ERBB4: variants seen among roughly 807,000 people sequenced by gnomAD.
ERBB4 encodes the protein receptor tyrosine-protein kinase erbB-4.
Under a neutral mutation model 158.0 loss-of-function variants are expected in ERBB4, and 42 were observed. The ratio of observed to expected loss-of-function variants is 0.27; its 90% CI spans 0.21 to 0.34. ERBB4 has a LOEUF of 0.34. Ranked by LOEUF, ERBB4 falls within the 10% of genes least tolerant of loss-of-function variation. The probability of loss-of-function intolerance (pLI) is 1.00; values close to 1 mark genes in which losing one functional copy is unlikely to be tolerated. For synonymous variants in ERBB4, 583 were observed against 558.7 expected (o/e 1.04, Z -0.61); for missense variants, 1,333 against 1,624.1 (o/e 0.82, Z 3.08).
chr2:212,463,436 T>C (rs1688672858), intron 1 of ERBB4, among the ~76,000 whole-genome samples: 1 of 152,124 alleles, frequency 6.6e-6, no homozygotes, highest in Non-Finnish European at 1.5e-5. Context: ...TAGATTAAGA[T>C]ATATCTATCT....
intron 5 of ERBB4, among the ~76,000 whole-genome samples, chr2:211,734,966 T>G (rs1430076094): frequency 6.8e-6 from 1 of 146,124 alleles, no homozygotes; most frequent in Non-Finnish European, 1.5e-5. Flanking sequence ...AATGAAAGGA[T>G]TTTAAAAATA....
At position 211,772,838 on chromosome 2, in the gene ERBB4, CATATATATATATATATAT is replaced by C. The variant is rs1278564933; in HGVS notation, c.556+15169_556+15186del. ...ATATATATATATATATATATATACACATATATATATATATATATATATATATATATACACATATATATA... is the reference window on the plus strand; with the variant it reads ...ATATATATATATATATATATATACACATATATATATATACACATATATATA... On this transcript the variant is annotated intron_variant, in intron 4 of 27. Coordinates refer to ENST00000342788, the MANE Select transcript of ERBB4 (RefSeq NM_005235.3). 1.2e-3 allele frequency among the ~76,000 whole-genome samples: 22 copies of C among 18,310 alleles called. 1 individual carries two copies. The highest frequency in any genetic ancestry group is 5.5e-3 in the African/African-American group (21 of 3,828). The allele number at this position is 18,310 out of a possible 152,430, so 12.0% of individuals were successfully genotyped here. A position where few individuals can be genotyped will look rare whatever the true frequency, so the allele number is the denominator to read the frequency against.
intron 25 of ERBB4, among the ~76,000 whole-genome samples, chr2:211,413,173 C>T (rs2063301240): frequency 6.6e-6 from 1 of 150,900 alleles, no homozygotes; most frequent in Non-Finnish European, 1.5e-5. Context: ...CATGGCAGTA[C>T]ACAACTATAG....
At chr2:212,376,066 A>G (rs1574802955) in intron 1 of ERBB4, among the ~76,000 whole-genome samples, 1 of 152,062 alleles carries the variant, frequency 6.6e-6, no homozygotes, top group East Asian at 1.9e-4. Context: ...TTGACAGTAG[A>G]AACAACAGCC....
chr2:212,238,500 C>A (rs1012826244), intron 1 of ERBB4, among the ~76,000 whole-genome samples: 2 of 145,024 alleles, frequency 1.4e-5, no homozygotes, highest in East Asian at 2.1e-4. Context: ...CTGGAAGCTG[C>A]AGACCAGAGC....
intron 2 of ERBB4, among the ~76,000 whole-genome samples, chr2:212,069,574 G>C (rs776340124): frequency 6.6e-5 from 10 of 151,984 alleles, no homozygotes; most frequent in Non-Finnish European, 1.3e-4. Context: ...GAGCCATTAA[G>C]TTTATTTTTA....
chr2:211,861,027 TAAATATAATATATTTATATATTTA>T (rs1400516314), intron 3 of ERBB4, among the ~76,000 whole-genome samples: 13,852 of 29,894 alleles, frequency 0.46, 3,302 homozygotes, highest in African/African-American at 0.59. Flanking sequence ...TATATATATA[TAAATATAATATATTTATATATTTA>T]TATATATATA....
At chr2:211,530,310 T>C (rs1173188138) in intron 20 of ERBB4, among the ~76,000 whole-genome samples, 2 of 152,010 alleles carry the variant, frequency 1.3e-5, no homozygotes, top group African/African-American at 4.8e-5. Flanking sequence ...ATCTCTATAA[T>C]GAAAACTATA....
intron 4 of ERBB4, among the ~76,000 whole-genome samples, chr2:211,772,812 T>G (rs2075727298): frequency 8.0e-5 from 2 of 25,098 alleles, no homozygotes; most frequent in Non-Finnish European, 6.6e-5. Flanking sequence ...TACTGGGATA[T>G]ATATATATAT....
chr2:211,599,503 A>G (rs534553520), intron 19 of ERBB4, among the ~76,000 whole-genome samples: 1,623 of 13,818 alleles, frequency 0.12, 15 homozygotes, highest in Non-Finnish European at 0.2. Context: ...CTCACAGAAA[A>G]TAATTTCTTC....
At chr2:212,269,521 G>GA (rs2106113802) in intron 1 of ERBB4, among the ~76,000 whole-genome samples, 1 of 151,894 alleles carries the variant, frequency 6.6e-6, no homozygotes, top group Non-Finnish European at 1.5e-5. Context: ...TTACAGTGTA[G>GA]ACTTTTGCCC....
chr2:211,487,360 TAAAATAAATAAA>T (rs1407400610), intron 20 of ERBB4, among the ~76,000 whole-genome samples: 1 of 144,218 alleles, frequency 6.9e-6, no homozygotes, highest in South Asian at 2.1e-4. Flanking sequence ...TCACTGGAAT[TAAAATAAATAAA>T]AAAATAAATA....
rs548143811 is a variant in ERBB4 at position 211,989,198 on chromosome 2, T to C, written c.235-41582A>G. Among the ~76,000 whole-genome samples the C allele has an allele frequency of 1.4e-3, 216 of 152,110 alleles. 2 individuals carry two copies. The highest frequency in any genetic ancestry group is 3.4e-3 in the Middle Eastern group (1 of 294). On this transcript the variant is annotated intron_variant, in intron 2 of 27. Transcript: ENST00000342788. Reference sequence around the variant, plus strand: ...ATGAGTTTCTAAAAAGATGTTAACATTGTTGAAGTCCCTATAAATCTTTAC... The same window carrying C: ...ATGAGTTTCTAAAAAGATGTTAACACTGTTGAAGTCCCTATAAATCTTTAC...
chr2:212,358,593 T>C (rs1213336907), intron 1 of ERBB4, among the ~76,000 whole-genome samples: 1 of 151,786 alleles, frequency 6.6e-6, no homozygotes, highest in African/African-American at 2.4e-5. Context: ...TGAGGTTATA[T>C]ATGTTTTCCA....
At chr2:211,641,334 A>G (rs2070578630) in intron 16 of ERBB4, among the ~76,000 whole-genome samples, 1 of 152,056 alleles carries the variant, frequency 6.6e-6, no homozygotes, top group East Asian at 1.9e-4. Flanking sequence ...TCTCATCAAG[A>G]TAAATTCTAC....
At chr2:212,003,177 GAAA>G (rs1472128451) in intron 2 of ERBB4, among the ~76,000 whole-genome samples, 22 of 47,696 alleles carry the variant, frequency 4.6e-4, no homozygotes, top group African/African-American at 1.1e-3. Context: ...AAGAAAGAAA[GAAA>G]GAAAGAAAGA....
At chr2:211,973,205 C>CTT (rs746336887) in intron 2 of ERBB4, among the ~76,000 whole-genome samples, 21,709 of 90,760 alleles carry the variant, frequency 0.24, 1,617 homozygotes, top group Non-Finnish European at 0.31. Flanking sequence ...AGAGAAATTC[C>CTT]TTTTTTTCTT....
chr2:211,835,702 G>A (rs975134026), intron 3 of ERBB4, among the ~76,000 whole-genome samples: 1 of 151,974 alleles, frequency 6.6e-6, no homozygotes, highest in African/African-American at 2.4e-5. Flanking sequence ...TTTTTGGTAG[G>A]TTCTGATGAA....
chr2:211,849,546 ATGGTGC>A (rs1299149349), intron 3 of ERBB4, among the ~76,000 whole-genome samples: 1 of 151,982 alleles, frequency 6.6e-6, no homozygotes, highest in Non-Finnish European at 1.5e-5. Context: ...AAATAGGTAT[ATGGTGC>A]TAACTCTTAG....
Sources: gnomAD v4.1 joint callset for allele counts (sites outside exome capture counted in the v4.1 genomes callset) on GRCh38, gnomAD v4.1.1 for gene constraint, MANE v1.5 for transcripts, NCBI Gene and HGNC (gene_info 2026-07-23, HGNC 2026-07-21) for gene names.